The following MUC4 variants were observed in gnomAD, a reference collection of about 807,000 sequenced individuals.
MUC4 encodes mucin-4.
MUC4 carries 202 observed loss-of-function variants against 257.9 expected under a neutral mutation model. The observed-to-expected ratio is 0.78, with a 90% CI of 0.70 to 0.88. MUC4 has a LOEUF of 0.88. Among genes scored for constraint, MUC4 ranks in the 40% least tolerant of loss-of-function variants. The pLI is 0.00. For missense variants in MUC4, 5,976 were observed against 6,513.7 expected (o/e 0.92, Z 2.84); for synonymous variants, 2,351 against 2,757.1 (o/e 0.85, Z 4.62).
chr3:195,782,379 G>C lies in MUC4; in HGVS notation c.9201C>G (p.Thr3067=), dbSNP rs2911270. Residue 3067 remains threonine (T), a synonymous_variant, in exon 2 of 25, where the codon ACC becomes ACG. Coordinates refer to ENST00000463781, the MANE Select transcript of MUC4 (RefSeq NM_018406.7). The part of the protein sequence containing the change: ...LHVTSPSSAS[T]GHATPLPVTD... Reference sequence around the variant, plus strand: ...TGACAGGAAGCGGGGTGGCGTGACCGGTGGATGCTGAGGAAGGGCTGGTGA... The same window carrying C: ...TGACAGGAAGCGGGGTGGCGTGACCCGTGGATGCTGAGGAAGGGCTGGTGA... 1 of 1,113,322 alleles carries C rather than the reference G, an allele frequency of 9.0e-7. No homozygotes were observed. Among genetic ancestry groups the C allele is most frequent in the Non-Finnish European group, 1.1e-6 (1 of 899,552 alleles). 69.0% of individuals were successfully genotyped at this position (1,113,322 alleles called of 1,614,324 possible).
intron 6 of MUC4, chr3:195,769,504 T>G: frequency 3.8e-6 from 1 of 261,216 alleles, no homozygotes. Flanking sequence ...GGAGGCTTCA[T>G]TAGCTCCCGC....
At position 195,790,628 on chromosome 3, in the gene MUC4, T is replaced by C. The variant is rs1406510391; in HGVS notation, c.952A>G (p.Thr318Ala). 3.1e-6 allele frequency: 5 copies of C among 1,614,046 alleles called. No individual in the cohort carries two copies. Among genetic ancestry groups the C allele is most frequent in the Non-Finnish European group, 4.2e-6 (5 of 1,179,902 alleles). Residue 318 changes from threonine to alanine, a missense_variant, in exon 2 of 25, where the codon ACA becomes GCA. Around this residue, in one of 44 missense-constraint regions of MUC4, gnomAD observed 1,583 missense variants for 1,257.4 expected, o/e 1.26. Transcript: ENST00000463781. ...TGGTGGTTCTTAGAAAAAGCTGTTG[T>C]GTCCTGAGTAGAAGTCCTTGAGAAA... is the stretch of plus-strand genomic sequence containing the variant. ...ATFSRTSTQD[T>A]TAFSKNHQTQ...
At position 195,789,175 on chromosome 3, in the gene MUC4, G is replaced by A; in HGVS notation, c.2405C>T (p.Thr802Ile). The change falls in exon 2 of 25, where the codon ACA (threonine) becomes ATA (isoleucine). Residue 802 changes from threonine to isoleucine, a missense_variant. Around this residue, in one of 44 missense-constraint regions of MUC4, gnomAD observed 1,583 missense variants for 1,257.4 expected, o/e 1.26. Transcript: ENST00000463781. ...SSGSRTTSAG[T>I]ATPSSSGASG... ...CGCCCCGGATGAGGAAGGGGTAGCT[G>A]TGCCCGCTGAGGTGGTTCGTGACCC... 6.2e-7 allele frequency: 1 copy of A among 1,613,866 alleles called. No homozygotes were observed.
chr3:195,809,827 C>T (rs1736461881), intron 1 of MUC4: 1 of 152,378 alleles, frequency 6.6e-6, no homozygotes, highest in Non-Finnish European at 1.5e-5. Context: ...TCAGGAGGTC[C>T]AACCGTTCAC....
At position 195,767,739 on chromosome 3, in the gene MUC4, T is replaced by TCACTGCCACCCCCAACACTAC. The variant is rs1560264366; in HGVS notation, c.13530-989_13530-988insGTAGTGTTGGGGGTGGCAGTG. On this transcript the variant is annotated intron_variant, in intron 7 of 24. Coordinates refer to ENST00000463781, the MANE Select transcript of MUC4 (RefSeq NM_018406.7). The stretch of plus-strand genomic sequence containing the variant: ...GCCACCACCACCATCACCACCACCA[T>TCACTGCCACCCCCAACACTAC]CACCATCGCCACCACCACCATCACC... Among the ~76,000 whole-genome samples, 19 of 3,150 alleles carry TCACTGCCACCCCCAACACTAC rather than the reference T, an allele frequency of 6.0e-3. 5 individuals carry two copies. Among genetic ancestry groups the TCACTGCCACCCCCAACACTAC allele is most frequent in the Admixed American group, 0.017 (5 of 292 alleles). The allele number at this position is 3,150 out of a possible 152,430, so 2.1% of individuals were successfully genotyped here. A position where few individuals can be genotyped will look rare whatever the true frequency, so the allele number is the denominator to read the frequency against.
intron 1 of MUC4, among the ~76,000 whole-genome samples, chr3:195,800,901 A>C (rs1735220399): frequency 6.6e-6 from 1 of 151,794 alleles, no homozygotes; most frequent in South Asian, 2.1e-4. Context: ...AAAAAAAAAA[A>C]AAAAAAAAAA....
intron 7 of MUC4, 86 bp from the exon 8 acceptor site, chr3:195,766,837 G>T: frequency 8.1e-7 from 1 of 1,237,924 alleles, no homozygotes; most frequent in South Asian, 1.3e-5. Flanking sequence ...CCCGCTAGCC[G>T]GTCAGCAGCT....
rs867662366 is a variant in MUC4, at chr3:195,780,430, C to T, written c.11150G>A (p.Ser3717Asn). ...SGHTTPLPVTSTSSVSTGHVT... is the reference protein window; with the variant it reads ...SGHTTPLPVTNTSSVSTGHVT... ...GTGACCTGTAGATACTGAGGAAGTGCTGGTGACAGGAAGAGGGGTGGTGTG... is the reference window on the plus strand; with the variant it reads ...GTGACCTGTAGATACTGAGGAAGTGTTGGTGACAGGAAGAGGGGTGGTGTG... Residue 3717 changes from serine (S) to asparagine (N), a missense_variant, in exon 2 of 25, where the codon AGC becomes AAC. Around this residue, in one of 44 missense-constraint regions of MUC4, gnomAD observed 330 missense variants for 262.0 expected, o/e 1.26. Transcript: ENST00000463781. The T allele has an allele frequency of 8.0e-5, 122 of 1,532,572 alleles. 2 individuals carry two copies. Among genetic ancestry groups the T allele is most frequent in the African/African-American group, 4.7e-4 (29 of 61,736 alleles). 94.9% of individuals were successfully genotyped at this position (1,532,572 alleles called of 1,614,324 possible).
chr3:195,766,048 C>T (rs184564674), intron 8 of MUC4, among the ~76,000 whole-genome samples: 51 of 152,232 alleles, frequency 3.4e-4, no homozygotes, highest in African/African-American at 1.2e-3. Flanking sequence ...GCAACCTCCA[C>T]CTCCCAGGTT....
chr3:195,792,312 C>G (rs951769588), intron 1 of MUC4, among the ~76,000 whole-genome samples: 2 of 152,054 alleles, frequency 1.3e-5, no homozygotes, highest in African/African-American at 4.8e-5. Context: ...CATCAAAAAG[C>G]AGGCAAAGGA....
At chr3:195,775,935 T>A (rs62282463) in intron 3 of MUC4, among the ~76,000 whole-genome samples, 1 of 14,124 alleles carries the variant, frequency 7.1e-5, no homozygotes, top group Non-Finnish European at 1.2e-4. Flanking sequence ...CCTTCCACAG[T>A]CATACCTTCC....
At chr3:195,773,040 A>C (rs1259385735) in intron 4 of MUC4, among the ~76,000 whole-genome samples, 2 of 119,888 alleles carry the variant, frequency 1.7e-5, no homozygotes, top group Non-Finnish European at 3.4e-5. Flanking sequence ...GGGTGTAGAC[A>C]CCCTCCCTTC....
intron 4 of MUC4, among the ~76,000 whole-genome samples, chr3:195,772,332 G>A (rs1285710075): frequency 7.0e-6 from 1 of 143,788 alleles, no homozygotes; most frequent in Admixed American, 7.1e-5. Context: ...TTGCTCAGCA[G>A]GTGTAGACAC....
chr3:195,769,223 G>A (rs1432974569), intron 6 of MUC4, 71 bp from the exon 7 acceptor site: 36 of 1,570,632 alleles, frequency 2.3e-5, no homozygotes, highest in South Asian at 1.6e-4. Flanking sequence ...ATGTCCCCCC[G>A]CCCGTCCCAC....
At position 195,747,295 on chromosome 3, in the gene MUC4, A is replaced by G. The variant is rs1476760398; in HGVS notation, c.16120T>C (p.Phe5374Leu). 6.2e-7 allele frequency: 1 copy of G among 1,614,192 alleles called. No homozygotes were observed. Reference sequence around the variant, plus strand: ...AGCAAGAGGCCGCCCAGGGCCCCAAAGAAGATGCCGAAGAACGCGTCGAGT... The same window carrying G: ...AGCAAGAGGCCGCCCAGGGCCCCAAGGAAGATGCCGAAGAACGCGTCGAGT... ...MKLDAFFGIFFGALGGLLLLG... is the reference protein window; with the variant it reads ...MKLDAFFGIFLGALGGLLLLG... Residue 5374 changes from phenylalanine (F) to leucine (L), a missense_variant, in exon 25 of 25, where the codon TTT (phenylalanine) becomes CTT (leucine). Transcript: ENST00000463781.
chr3:195,796,016 A>C (rs1208916034), intron 1 of MUC4, among the ~76,000 whole-genome samples: 1 of 152,140 alleles, frequency 6.6e-6, no homozygotes, highest in East Asian at 1.9e-4. Context: ...GTCCTTAAAA[A>C]TATAATTTAT....
chr3:195,790,625 T>C lies in MUC4; in HGVS notation c.955A>G (p.Thr319Ala), dbSNP rs755777004. The change falls in exon 2 of 25, where the codon ACA (threonine) becomes GCA (alanine). Residue 319 changes from threonine (T) to alanine (A), a missense_variant. Physicochemically the swap from Thr to Ala is moderately conservative, Grantham distance 58. Transcript: ENST00000463781. ...GTCTGGTGGTTCTTAGAAAAAGCTG[T>C]TGTGTCCTGAGTAGAAGTCCTTGAG... ...TFSRTSTQDT[T>A]AFSKNHQTQS... is the part of the protein sequence containing the mutation. 2 of 1,613,940 alleles carry C rather than the reference T, an allele frequency of 1.2e-6. No homozygotes were observed. Among genetic ancestry groups the C allele is most frequent in the South Asian group, 2.2e-5 (2 of 91,076 alleles).
At position 195,778,782 on chromosome 3, in the gene MUC4, G is replaced by A. The variant is rs1248163773; in HGVS notation, c.12790+8C>T. 6.2e-7 allele frequency: 1 copy of A among 1,604,406 alleles called. No individual in the cohort carries two copies. The highest frequency in any genetic ancestry group is 1.7e-5 in the Admixed American group (1 of 59,214). On this transcript the variant is annotated splice_region_variant and intron_variant, in intron 2 of 24. Coordinates refer to ENST00000463781, the MANE Select transcript of MUC4 (RefSeq NM_018406.7). ...GGGAGACATAAAGGCGAGGCAGTTG[G>A]CAGCTACCTGGTGTTTCCATCTTCA... is the stretch of plus-strand genomic sequence containing the variant.
Position 195,787,540 on chromosome 3 carries a change from A to C in MUC4, c.4040T>G (p.Val1347Gly), listed in dbSNP as rs201931750. Residue 1347 changes from valine to glycine, a missense_variant, in exon 2 of 25, where the codon GTC (valine) becomes GGC (glycine). Physicochemically the swap from Val to Gly is moderately radical, Grantham distance 109. This residue lies in a region of MUC4 where 58 missense variants were observed against 65.4 expected (regional missense o/e 0.89). Transcript: ENST00000463781. Reference protein sequence around the residue: ...ASTGDTTPLPVTDASSVSTGH... With the variant: ...ASTGDTTPLPGTDASSVSTGH... Reference sequence around the variant, plus strand: ...TGTGGATACTGAGGAAGCGTCGGTGACAGGAAGAGGGGTGGTGTCACCTGT... The same window carrying C: ...TGTGGATACTGAGGAAGCGTCGGTGCCAGGAAGAGGGGTGGTGTCACCTGT... 246 of 837,916 alleles carry C rather than the reference A, an allele frequency of 2.9e-4. No homozygotes were observed. Among genetic ancestry groups the C allele is most frequent in the Non-Finnish European group, 3.8e-4 (227 of 598,254 alleles). 51.9% of individuals were successfully genotyped at this position (837,916 alleles called of 1,614,324 possible). A position where few individuals can be genotyped will look rare whatever the true frequency, so the allele number is the denominator to read the frequency against.
Sources: gnomAD v4.1 joint callset for allele counts (sites outside exome capture counted in the v4.1 genomes callset) on GRCh38, gnomAD v4.1.1 for gene constraint, gnomAD v4.1.1 regional missense constraint, MANE v1.5 for transcripts, NCBI Gene and HGNC (gene_info 2026-07-23, HGNC 2026-07-21) for gene names.